GOLGA5: variants seen among roughly 807,000 people sequenced by gnomAD.
GOLGA5 encodes golgin subfamily A member 5.
In GOLGA5, 50 loss-of-function variants were observed where a neutral mutation model predicts 93.5. The ratio of observed to expected loss-of-function variants is 0.53; its 90% CI spans 0.43 to 0.68. The LOEUF (loss-of-function observed/expected upper bound fraction) is 0.68, where lower values mean the gene tolerates loss of function less well. GOLGA5 is among the 30% of genes least tolerant of loss of function. The pLI is 0.00. For synonymous variants in GOLGA5, 312 were observed against 304.5 expected, an observed-to-expected ratio of 1.02 and a Z score of -0.26; for missense variants, 760 against 856.4, an observed-to-expected ratio of 0.89 and a Z score of 1.40.
At chr14:92,798,697 C>T (rs190703717) in intron 2 of GOLGA5, among the ~76,000 whole-genome samples, 1 of 152,306 alleles carries the variant, frequency 6.6e-6, no homozygotes, top group Admixed American at 6.5e-5. Context: ...AGGCAGAGCA[C>T]TCGTGCCCAG....
intron 9 of GOLGA5, among the ~76,000 whole-genome samples, chr14:92,831,416 GA>G (rs1486034560): frequency 1.3e-5 from 2 of 151,974 alleles, no homozygotes; most frequent in African/African-American, 2.4e-5. Context: ...CAACTCAGAT[GA>G]ATTTTTTTTT....
chr14:92,824,718 A>G (rs1482184849), intron 9 of GOLGA5, 74 bp downstream of exon 9: 4 of 770,220 alleles, frequency 5.2e-6, no homozygotes, highest in Middle Eastern at 3.5e-4. Context: ...GGACACAGTA[A>G]GAACTTTCCC....
intron 9 of GOLGA5, among the ~76,000 whole-genome samples, chr14:92,830,929 C>T (rs1479947400): frequency 6.6e-6 from 1 of 152,104 alleles, no homozygotes; most frequent in African/African-American, 2.4e-5. Flanking sequence ...CACTGAGGAA[C>T]CAAAAAATTC....
chr14:92,835,818 TCA>T (rs1464199458), intron 11 of GOLGA5, among the ~76,000 whole-genome samples, 154 bp downstream of exon 11: 1 of 152,214 alleles, frequency 6.6e-6, no homozygotes, highest in African/African-American at 2.4e-5. Context: ...TTTATTTATT[TCA>T]CAGTTATATT....
At position 92,833,615 on chromosome 14, in the gene GOLGA5, C is replaced by T. The variant is rs564817607; in HGVS notation, c.1945+268C>T. On this transcript the variant is annotated intron_variant, in intron 10 of 12. Transcript: ENST00000163416. ...GAGACACTTAACAAGATGATGCTGA[C>T]AAGGCGAGGAATTCAGTAGAGAGGA... Among the ~76,000 whole-genome samples, 11 of 152,286 alleles carry T rather than the reference C, an allele frequency of 7.2e-5. 1 individual carries two copies. In the South Asian group the frequency reaches 2.1e-3, roughly 29 times the overall value.
intron 11 of GOLGA5, 38 bp downstream of exon 11, chr14:92,835,702 G>A: frequency 2.4e-6 from 3 of 1,264,606 alleles, no homozygotes; most frequent in Non-Finnish European, 3.5e-6. Context: ...TGGACCATCA[G>A]CTGTTTTTAC....
At chr14:92,805,428 T>C (rs577221497) in intron 2 of GOLGA5, among the ~76,000 whole-genome samples, 1 of 152,338 alleles carries the variant, frequency 6.6e-6, no homozygotes, top group South Asian at 2.1e-4. Flanking sequence ...TTTTGGATTA[T>C]TGTGAATAAA....
intron 9 of GOLGA5, among the ~76,000 whole-genome samples, chr14:92,831,656 A>G (rs1032783437): frequency 2.0e-5 from 3 of 152,212 alleles, no homozygotes; most frequent in Non-Finnish European, 2.9e-5. Context: ...TGATTAAAAA[A>G]TCTTGAAGTA....
intron 6 of GOLGA5, among the ~76,000 whole-genome samples, chr14:92,815,699 CTTTTTT>C (rs571410551): frequency 1.1e-5 from 1 of 91,264 alleles, no homozygotes; most frequent in Admixed American, 1.3e-4. Flanking sequence ...TTTTTTTAAT[CTTTTTT>C]TTTTTTTTTT....
chr14:92,826,877 T>G (rs188199504), intron 9 of GOLGA5, among the ~76,000 whole-genome samples: 10 of 152,260 alleles, frequency 6.6e-5, no homozygotes, highest in African/African-American at 1.9e-4. Flanking sequence ...AGGAGAATCT[T>G]TTTGCAATTT....
intron 10 of GOLGA5, 115 bp downstream of exon 10, chr14:92,833,462 G>C (rs1345490176): frequency 1.4e-6 from 1 of 731,716 alleles, no homozygotes; most frequent in East Asian, 2.6e-5. Context: ...TCAATTTTCT[G>C]ATATGAGACC....
intron 9 of GOLGA5, among the ~76,000 whole-genome samples, chr14:92,826,732 C>A (rs1595602117): frequency 6.6e-6 from 1 of 151,204 alleles, no homozygotes; most frequent in Non-Finnish European, 1.5e-5. Context: ...AAAATTATTG[C>A]ATGGGAGTAG....
chr14:92,796,594 C>T (rs1198945148), intron 1 of GOLGA5, among the ~76,000 whole-genome samples: 1 of 152,100 alleles, frequency 6.6e-6, no homozygotes, highest in East Asian at 1.9e-4. Flanking sequence ...AAAACAGTCA[C>T]ATTCTGAGGT....
intron 2 of GOLGA5, among the ~76,000 whole-genome samples, chr14:92,799,538 C>T (rs1884817551): frequency 1.3e-5 from 2 of 151,574 alleles, no homozygotes; most frequent in Non-Finnish European, 1.5e-5. Flanking sequence ...CCCGCCTCGG[C>T]CTCCCAAAGT....
At chr14:92,809,178 G>A (rs574187338) in intron 3 of GOLGA5, 122 bp from the exon 4 acceptor site, 22 of 643,050 alleles carry the variant, frequency 3.4e-5, no homozygotes, top group African/African-American at 1.8e-4. Flanking sequence ...AATTGAAGAC[G>A]TGTAAGTTCC....
chr14:92,795,120 G>A (rs1272984227), intron 1 of GOLGA5, among the ~76,000 whole-genome samples: 1 of 152,126 alleles, frequency 6.6e-6, no homozygotes, highest in Non-Finnish European at 1.5e-5. Flanking sequence ...TACTTTTTTT[G>A]TAGAGACAGG....
chr14:92,809,397 G>C lies in GOLGA5; in HGVS notation c.870G>C (p.Leu290=). ...GACTCCGAGCCCAAGTAGATGACCT[G>C]ACTGAAGCTGTGGCTGCAAAGGATT... ...TRGLRAQVDD[L]TEAVAAKDSQ... The change falls in exon 4 of 13, where the codon CTG becomes CTC. Residue 290 remains leucine, a synonymous_variant. Transcript: ENST00000163416. 5 of 1,613,810 alleles carry C rather than the reference G, an allele frequency of 3.1e-6. No individual in the cohort carries two copies. The highest frequency in any genetic ancestry group is 4.2e-6 in the Non-Finnish European group (5 of 1,179,734).
At chr14:92,799,160 A>T (rs911490489) in intron 2 of GOLGA5, among the ~76,000 whole-genome samples, 108 of 152,030 alleles carry the variant, frequency 7.1e-4, no homozygotes, top group African/African-American at 2.6e-3. Context: ...TTTAATAGAA[A>T]CAGTGTCTCA....
rs771613439 is a variant in GOLGA5, at chr14:92,811,588, A to G, written c.1154A>G (p.Glu385Gly). ...GCACGCCTTAATAAAGTGGAAATGG[A>G]ACGTCAGAATTTAGCAGAAGCAATT... Reference protein sequence around the residue: ...FAARLNKVEMERQNLAEAITL... With the variant: ...FAARLNKVEMGRQNLAEAITL... The change falls in exon 6 of 13, where the codon GAA becomes GGA. Residue 385 changes from glutamate to glycine, a missense_variant. Transcript: ENST00000163416. 61 of 1,613,408 alleles carry G rather than the reference A, an allele frequency of 3.8e-5. No individual in the cohort carries two copies. The East Asian group carries it at 1.4e-3, about 36-fold the overall frequency.
Sources: gnomAD v4.1 joint callset for allele counts (sites outside exome capture counted in the v4.1 genomes callset) on GRCh38, gnomAD v4.1.1 for gene constraint, MANE v1.5 for transcripts, NCBI Gene and HGNC (gene_info 2026-07-23, HGNC 2026-07-21) for gene names.